DIP2B: variants seen among roughly 807,000 people sequenced by gnomAD.
The protein encoded by DIP2B is DIP2 acetate--CoA ligase B (putative), also known as disco-interacting protein 2 homolog B.
DIP2B carries 76 observed loss-of-function variants against 198.0 expected under a neutral mutation model. The observed-to-expected ratio is 0.38, with a 90% confidence interval of 0.32 to 0.46. The LOEUF (loss-of-function observed/expected upper bound fraction) is 0.46. Ranked by LOEUF, DIP2B falls within the 20% of genes least tolerant of loss-of-function variation. The pLI, the probability that DIP2B is intolerant of heterozygous loss-of-function variation, is 0.99. For synonymous variants in DIP2B, 701 were observed against 739.1 expected (o/e 0.95, Z 0.84); for missense variants, 1,559 against 1,978.4 (o/e 0.79, Z 4.02).
intron 1 of DIP2B, among the ~76,000 whole-genome samples, chr12:50,586,201 G>A (rs150921691): frequency 6.4e-4 from 97 of 152,204 alleles, no homozygotes; most frequent in African/African-American, 2.2e-3. Context: ...TTACCAAAAT[G>A]GTAAAAAAAA....
At chr12:50,711,227 A>G (rs1441460836) in intron 22 of DIP2B, among the ~76,000 whole-genome samples, 1 of 152,226 alleles carries the variant, frequency 6.6e-6, no homozygotes, top group Non-Finnish European at 1.5e-5. Flanking sequence ...ATTCGAGTCC[A>G]TAGCAGAACA....
At chr12:50,579,560 C>G (rs1185961520) in intron 1 of DIP2B, among the ~76,000 whole-genome samples, 1 of 132,254 alleles carries the variant, frequency 7.6e-6, no homozygotes, top group African/African-American at 2.9e-5. Flanking sequence ...TGCAGTGAGC[C>G]GAGATCATGG....
intron 1 of DIP2B, among the ~76,000 whole-genome samples, chr12:50,618,661 T>C (rs1230543694): frequency 6.6e-6 from 1 of 152,196 alleles, no homozygotes; most frequent in Non-Finnish European, 1.5e-5. Flanking sequence ...ACTTACTAGG[T>C]GTGACTGTAG....
At chr12:50,679,125 T>C in intron 8 of DIP2B, 1 of 466,442 alleles carries the variant, frequency 2.1e-6, no homozygotes, top group Non-Finnish European at 3.8e-6. Context: ...TCCATAGATG[T>C]TTTAACATTA....
intron 22 of DIP2B, among the ~76,000 whole-genome samples, chr12:50,711,840 G>A (rs1410123974): frequency 2.6e-5 from 4 of 152,150 alleles, no homozygotes; most frequent in South Asian, 2.1e-4. Context: ...GATTACAGGC[G>A]TGAGTCACTG....
intron 1 of DIP2B, among the ~76,000 whole-genome samples, chr12:50,581,749 A>T (rs890719407): frequency 7.9e-5 from 12 of 152,144 alleles, no homozygotes; most frequent in Non-Finnish European, 1.6e-4. Flanking sequence ...TGACTCAGGC[A>T]TGGTTTGCTT....
chr12:50,590,969 GCTTC>G (rs938192276), intron 1 of DIP2B, among the ~76,000 whole-genome samples: 1 of 152,150 alleles, frequency 6.6e-6, no homozygotes, highest in Non-Finnish European at 1.5e-5. Flanking sequence ...GACCATGAGG[GCTTC>G]TCTCTTGGGA....
chr12:50,588,327 A>G (rs1275067589), intron 1 of DIP2B, among the ~76,000 whole-genome samples: 2 of 151,484 alleles, frequency 1.3e-5, no homozygotes, highest in East Asian at 3.9e-4. Flanking sequence ...AATTCTTTGT[A>G]TTTTTAGAGA....
chr12:50,608,293 AT>A (rs1959001394), intron 1 of DIP2B, among the ~76,000 whole-genome samples: 1 of 152,230 alleles, frequency 6.6e-6, no homozygotes, highest in Non-Finnish European at 1.5e-5. Context: ...AGCCATTTTG[AT>A]TATGCTGAAA....
At chr12:50,734,313 G>A in intron 33 of DIP2B, 117 bp downstream of exon 33, 1 of 987,358 alleles carries the variant, frequency 1.0e-6, no homozygotes, top group East Asian at 2.4e-5. Flanking sequence ...GAGGGGAATG[G>A]GAAGAGGGAA....
chr12:50,719,892 A>G (rs1939802989), intron 25 of DIP2B, among the ~76,000 whole-genome samples: 1 of 147,612 alleles, frequency 6.8e-6, no homozygotes, highest in African/African-American at 2.5e-5. Flanking sequence ...AATAATATAT[A>G]TTACATTATA....
chr12:50,653,830 CATTTA>C (rs1938507514), intron 3 of DIP2B, among the ~76,000 whole-genome samples: 1 of 151,902 alleles, frequency 6.6e-6, no homozygotes, highest in Non-Finnish European at 1.5e-5. Flanking sequence ...TTCTCTGTTT[CATTTA>C]ATTCTACTGT....
chr12:50,573,196 C>T (rs566004705), intron 1 of DIP2B, among the ~76,000 whole-genome samples: 4 of 152,338 alleles, frequency 2.6e-5, no homozygotes, highest in East Asian at 1.9e-4. Flanking sequence ...AATACAGCCA[C>T]GTATCCAGAA....
Position 50,695,297 on chromosome 12 carries a change from G to A in DIP2B, c.1750G>A (p.Val584Ile), listed in dbSNP as rs140720216. The A allele has an allele frequency of 5.9e-5, 95 of 1,613,640 alleles. No homozygotes were observed. In the African/African-American group the frequency reaches 7.7e-4, roughly 13 times the overall value. The change falls in exon 15 of 38, where the codon GTA becomes ATA. Residue 584 changes from valine to isoleucine, a missense_variant. Coordinates refer to ENST00000301180, the MANE Select transcript of DIP2B (RefSeq NM_173602.3). ...NVMNKMHTISVPYSVMKTCPL... is the reference protein window; with the variant it reads ...NVMNKMHTISIPYSVMKTCPL... ...AATGAATAAGATGCACACAATCAGC[G>A]TACCCTACTCTGTTATGAAAACCTG...
chr12:50,541,666 A>G (rs918045820), intron 1 of DIP2B, among the ~76,000 whole-genome samples: 3 of 152,188 alleles, frequency 2.0e-5, no homozygotes, highest in Non-Finnish European at 2.9e-5. Context: ...CCCATAGTAT[A>G]TGAAAGAAAG....
intron 1 of DIP2B, among the ~76,000 whole-genome samples, chr12:50,599,340 G>A (rs1958916123): frequency 6.6e-6 from 1 of 151,734 alleles, no homozygotes; most frequent in Non-Finnish European, 1.5e-5. Flanking sequence ...AACAGGCTGA[G>A]CACGGTGGCT....
At chr12:50,599,476 G>A (rs1255325793) in intron 1 of DIP2B, among the ~76,000 whole-genome samples, 1 of 151,956 alleles carries the variant, frequency 6.6e-6, no homozygotes, top group Non-Finnish European at 1.5e-5. Flanking sequence ...AATTAGGTGG[G>A]TGTGGTAGTG....
At chr12:50,683,310 GGATAGATGTAGTCACAACAGTA>G in intron 10 of DIP2B, 62 bp downstream of exon 10, 1 of 1,375,464 alleles carries the variant, frequency 7.3e-7, no homozygotes, top group Non-Finnish European at 1.0e-6. Context: ...TTGGGTTCTT[GGATAGATGTAGTCACAACAGTA>G]AAAACTGTTC....
At chr12:50,644,949 G>C (rs1938324665) in intron 3 of DIP2B, among the ~76,000 whole-genome samples, 1 of 152,128 alleles carries the variant, frequency 6.6e-6, no homozygotes, top group Non-Finnish European at 1.5e-5. Context: ...TTTCTCAGTA[G>C]AAGTGATTAA....
Sources: gnomAD v4.1 joint callset for allele counts (sites outside exome capture counted in the v4.1 genomes callset) on GRCh38, gnomAD v4.1.1 for gene constraint, MANE v1.5 for transcripts, NCBI Gene and HGNC (gene_info 2026-07-23, HGNC 2026-07-21) for gene names.